TOX4: variants seen among roughly 807,000 people sequenced by gnomAD.
TOX4 encodes the protein epidermal Langerhans cell protein LCP1.
Under a neutral mutation model 61.0 loss-of-function variants are expected in TOX4, and 12 were observed. The ratio of observed to expected loss-of-function variants is 0.20; its 90% confidence interval spans 0.13 to 0.32. The LOEUF is 0.32. Among genes scored for constraint, TOX4 ranks in the 10% least tolerant of loss-of-function variants. The pLI, the probability that TOX4 is intolerant of heterozygous loss-of-function variation, is 1.00. For missense variants in TOX4, 499 were observed against 753.3 expected, an observed-to-expected ratio of 0.66 and a Z score of 3.95; for synonymous variants, 268 against 274.8, an observed-to-expected ratio of 0.98 and a Z score of 0.24.
chr14:21,480,750 A>G (rs1331565808), intron 2 of TOX4, among the ~76,000 whole-genome samples: 1 of 152,244 alleles, frequency 6.6e-6, no homozygotes, highest in Non-Finnish European at 1.5e-5. Flanking sequence ...ACTCATATTC[A>G]GAATATATCA....
rs1891234049 is a variant in TOX4, at chr14:21,488,756, T to A, written c.485T>A (p.Ile162Asn). 2 of 1,614,098 alleles carry A rather than the reference T, an allele frequency of 1.2e-6. No homozygotes were observed. Among genetic ancestry groups the A allele is most frequent in the Non-Finnish European group, 1.7e-6 (2 of 1,180,038 alleles). ...GGTTTGAGCCTAGGGGGTGGCACCA[T>A]CCTGCCACCTGCCCAGTCACCTGAA... Reference protein sequence around the residue: ...QLGLSLGGGTILPPAQSPEDR... With the variant: ...QLGLSLGGGTNLPPAQSPEDR... The change falls in exon 4 of 9, where the codon ATC becomes AAC. Residue 162 changes from isoleucine to asparagine, a missense_variant. Ile to Asn is a moderately radical substitution (Grantham distance 149). Coordinates refer to ENST00000448790, the MANE Select transcript of TOX4 (RefSeq NM_014828.4).
intron 2 of TOX4, among the ~76,000 whole-genome samples, chr14:21,483,953 G>A (rs894599157): frequency 6.6e-6 from 1 of 151,870 alleles, no homozygotes. Context: ...GATTACAGAC[G>A]CACACCACCA....
At position 21,492,571 on chromosome 14, in the gene TOX4, A is replaced by G. The variant is rs754892125; in HGVS notation, c.955A>G (p.Met319Val). 1.2e-5 allele frequency: 20 copies of G among 1,613,786 alleles called. No individual in the cohort carries two copies. Among genetic ancestry groups the G allele is most frequent in the South Asian group, 1.1e-4 (10 of 91,074 alleles). ...ATCACAAACTCCTTCTCCACCTCCTATGGCTACTGTTGACCCAGCATCTCC... is the reference window on the plus strand; with the variant it reads ...ATCACAAACTCCTTCTCCACCTCCTGTGGCTACTGTTGACCCAGCATCTCC... The part of the protein sequence containing the change: ...PPSQTPSPPP[M>V]ATVDPASPAP... Residue 319 changes from methionine to valine, a missense_variant, in exon 7 of 9, where the codon ATG becomes GTG. Physicochemically the swap from Met to Val is conservative, Grantham distance 21. Transcript: ENST00000448790.
At chr14:21,494,861 G>C (rs756949380) in intron 7 of TOX4, among the ~76,000 whole-genome samples, 4 of 152,122 alleles carry the variant, frequency 2.6e-5, no homozygotes, top group Non-Finnish European at 4.4e-5. Context: ...AGAGGTTGCA[G>C]TGAGCTGAGA....
chr14:21,493,369 C>A, intron 7 of TOX4, 112 bp downstream of exon 7: 1 of 1,208,794 alleles, frequency 8.3e-7, no homozygotes, highest in Non-Finnish European at 1.1e-6. Flanking sequence ...CAACCAGGAG[C>A]ACAAAACATC....
intron 3 of TOX4, 23 bp from the exon 4 acceptor site, chr14:21,488,563 TTTAA>T (rs777277548): frequency 8.8e-6 from 14 of 1,598,010 alleles, no homozygotes; most frequent in Non-Finnish European, 1.2e-5. Flanking sequence ...ATATTTAGTG[TTTAA>T]TTAGTCCTTC....
chr14:21,481,456 G>T (rs1297363259), intron 2 of TOX4, among the ~76,000 whole-genome samples: 1 of 152,186 alleles, frequency 6.6e-6, no homozygotes, highest in Admixed American at 6.5e-5. Flanking sequence ...TGGGATTATA[G>T]CTGTGAGCCA....
chr14:21,492,467 G>C (rs1391567579), intron 6 of TOX4, 41 bp from the exon 7 acceptor site: 1 of 1,610,902 alleles, frequency 6.2e-7, no homozygotes, highest in Non-Finnish European at 8.5e-7. Context: ...ATACCACCAA[G>C]TGATTGATTA....
chr14:21,498,588 T>G lies in TOX4; in HGVS notation c.*1982T>G, dbSNP rs977732731. 5.2e-6 allele frequency: 3 copies of G among 572,716 alleles called. No individual in the cohort carries two copies. The highest frequency in any genetic ancestry group is 6.1e-6 in the Non-Finnish European group (2 of 327,450). The allele number at this position is 572,716 out of a possible 1,614,324, so 35.5% of individuals were successfully genotyped here. ...GACTGGATCTGTATTATCTGAGGGT[T>G]AGTAACTAATGCTTAGCCAGGCCTG... On this transcript the variant is annotated 3_prime_UTR_variant, in exon 9 of 9. Transcript: ENST00000448790.
chr14:21,477,495 G>T lies in TOX4; in HGVS notation c.7-1G>T. ...CCCCGCGACTTTCTTTTGGTTTCCA[G>T]TTTCCCGGAGGAAATGACAATTACC... On this transcript the variant is annotated splice_acceptor_variant, in intron 1 of 8. Transcript: ENST00000448790. LOFTEE classifies it high-confidence loss of function. 6.2e-7 allele frequency: 1 copy of T among 1,613,446 alleles called. No homozygotes were observed. The highest frequency in any genetic ancestry group is 8.5e-7 in the Non-Finnish European group (1 of 1,180,030).
At chr14:21,481,863 G>A (rs1237609209) in intron 2 of TOX4, among the ~76,000 whole-genome samples, 1 of 152,228 alleles carries the variant, frequency 6.6e-6, no homozygotes, top group East Asian at 1.9e-4. Context: ...TGAGGGTCAA[G>A]AATAGGCAAA....
chr14:21,493,126 C>A lies in TOX4; in HGVS notation c.1510C>A (p.Gln504Lys), dbSNP rs147279784. The change falls in exon 7 of 9, where the codon CAG becomes AAG. Residue 504 changes from glutamine to lysine, a missense_variant. This residue lies in a region of TOX4 where 296 missense variants were observed against 404.7 expected (regional missense o/e 0.73). Coordinates refer to ENST00000448790, the MANE Select transcript of TOX4 (RefSeq NM_014828.4). ...TGTGCCTCTACCCACTTTGAAAATG[C>A]AGACTACCTTAGTCCCACCAACTGT... ...KSVPLPTLKM[Q>K]TTLVPPTVES... The A allele has an allele frequency of 2.6e-3, 4,275 of 1,614,016 alleles. 6 individuals are homozygous for A. Among genetic ancestry groups the A allele is most frequent in the Non-Finnish European group, 3.2e-3 (3,820 of 1,180,026 alleles).
rs1191268093 is a variant in TOX4 at position 21,488,973 on chromosome 14, T to G, written c.579+123T>G. The G allele has an allele frequency of 8.5e-6, 12 of 1,417,430 alleles. No homozygotes were observed. In the East Asian group the frequency reaches 2.4e-4, roughly 28 times the overall value. The allele number at this position is 1,417,430 out of a possible 1,614,324, so 87.8% of individuals were successfully genotyped here. A position where few individuals can be genotyped will look rare whatever the true frequency, so the allele number is the denominator to read the frequency against. ...CATCTCCTCTGCTGTTTTCTGGGTA[T>G]GGGGTTCCACCTCCCAATTTCCAGT... On this transcript the variant is annotated intron_variant, in intron 4 of 8. Transcript: ENST00000448790.
intron 2 of TOX4, among the ~76,000 whole-genome samples, chr14:21,482,229 G>GGTAC (rs1327221418): frequency 6.6e-6 from 1 of 151,770 alleles, no homozygotes; most frequent in East Asian, 1.9e-4. Context: ...AGGCATAAAG[G>GGTAC]TACCCATCCT....
rs1891169342 is a variant in TOX4 at position 21,484,698 on chromosome 14, G to A, written c.76-2753G>A. On this transcript the variant is annotated intron_variant, in intron 2 of 8. Transcript: ENST00000448790. ...TTTTTAGACATGGTCTTGGTCTGTC[G>A]CCCAGGCAGGATTGCAGTGGTGCAG... 2.9e-5 allele frequency among the ~76,000 whole-genome samples: 3 copies of A among 103,294 alleles called. 1 individual carries two copies. The highest frequency in any genetic ancestry group is 6.4e-5 in the Non-Finnish European group (3 of 47,228). 67.8% of individuals were successfully genotyped at this position (103,294 alleles called of 152,430 possible). A position where few individuals can be genotyped will look rare whatever the true frequency, so the allele number is the denominator to read the frequency against.
chr14:21,480,989 C>A (rs1014663452), intron 2 of TOX4, among the ~76,000 whole-genome samples: 1 of 152,040 alleles, frequency 6.6e-6, no homozygotes, highest in African/African-American at 2.4e-5. Flanking sequence ...ACTCAGGAGG[C>A]AGAGGCAGGA....
In TOX4 at chr14:21,492,572, T is replaced by C. The variant is rs200409394; in HGVS notation, c.956T>C (p.Met319Thr). 1.8e-5 allele frequency: 29 copies of C among 1,613,960 alleles called. No homozygotes were observed. In the East Asian group the frequency reaches 3.8e-4, roughly 21 times the overall value. The part of the protein sequence containing the change: ...PPSQTPSPPP[M>T]ATVDPASPAP... Reference sequence around the variant, plus strand: ...TCACAAACTCCTTCTCCACCTCCTATGGCTACTGTTGACCCAGCATCTCCA... The same window carrying C: ...TCACAAACTCCTTCTCCACCTCCTACGGCTACTGTTGACCCAGCATCTCCA... Residue 319 changes from methionine to threonine, a missense_variant, in exon 7 of 9, where the codon ATG becomes ACG. Around this residue, in one of 7 missense-constraint regions of TOX4, gnomAD observed 296 missense variants for 404.7 expected, o/e 0.73. Transcript: ENST00000448790.
chr14:21,486,730 G>C (rs1291841661), intron 2 of TOX4, among the ~76,000 whole-genome samples: 1 of 152,180 alleles, frequency 6.6e-6, no homozygotes, highest in African/African-American at 2.4e-5. Flanking sequence ...TATTGACCTA[G>C]TTGGACTCAG....
chr14:21,477,444 C>A, intron 1 of TOX4, 52 bp from the exon 2 acceptor site: 1 of 1,611,026 alleles, frequency 6.2e-7, no homozygotes, highest in Non-Finnish European at 8.5e-7. Flanking sequence ...TCGCTCCAAG[C>A]TGACTCCCTG....
Sources: gnomAD v4.1 joint callset for allele counts (sites outside exome capture counted in the v4.1 genomes callset) on GRCh38, gnomAD v4.1.1 for gene constraint, gnomAD v4.1.1 regional missense constraint, MANE v1.5 for transcripts, NCBI Gene and HGNC (gene_info 2026-07-23, HGNC 2026-07-21) for gene names.